The following SLC52A3 variants were observed in gnomAD, a reference collection of about 807,000 sequenced individuals.
The protein encoded by SLC52A3 is solute carrier family 52, riboflavin transporter, member 3.
In SLC52A3, 20 loss-of-function variants were observed where a neutral mutation model predicts 29.5. The ratio of observed to expected loss-of-function variants is 0.68; its 90% confidence interval spans 0.48 to 0.99. SLC52A3 has a LOEUF of 0.99. SLC52A3 is among the 50% of genes least tolerant of loss of function. The probability of loss-of-function intolerance (pLI) is 0.00; values close to 1 mark genes in which losing one functional copy is unlikely to be tolerated. For missense variants in SLC52A3, 548 were observed against 612.9 expected (o/e 0.89, Z 1.12); for synonymous variants, 301 against 271.0 (o/e 1.11, Z -1.09).
At chr20:776,863 G>GC (rs1485849037), upstream of SLC52A3, among the ~76,000 whole-genome samples, 1 of 150,850 alleles carries the variant, frequency 6.6e-6, no homozygotes, top group African/African-American at 2.4e-5. Flanking sequence ...TTTTGGGGGG[G>GC]GGGCCACAGG....
chr20:769,507 T>C (rs1352131741), upstream of SLC52A3, among the ~76,000 whole-genome samples: 1 of 152,242 alleles, frequency 6.6e-6, no homozygotes, highest in Non-Finnish European at 1.5e-5. Flanking sequence ...GAACATGCAC[T>C]AAAGTGCTAA....
intron 1 of SLC52A3, among the ~76,000 whole-genome samples, chr20:767,966 T>C (rs12480365): frequency 0.27 from 40,960 of 152,064 alleles, 6,017 homozygotes; most frequent in South Asian, 0.36. Context: ...AGCCAGCTGT[T>C]TGAGTTTGAC....
Position 763,512 on chromosome 20 carries a change from C to T in SLC52A3, c.1059G>A (p.Met353Ile). 1 of 1,614,082 alleles carries T rather than the reference C, an allele frequency of 6.2e-7. No homozygotes were observed. The highest frequency in any genetic ancestry group is 8.5e-7 in the Non-Finnish European group (1 of 1,179,970). The change falls in exon 3 of 5, where the codon ATG becomes ATA. Residue 353 changes from methionine (M) to isoleucine (I), a missense_variant. Met to Ile is a conservative substitution (Grantham distance 10, BLOSUM62 1). Coordinates refer to ENST00000645534, the MANE Select transcript of SLC52A3 (RefSeq NM_033409.4). Reference sequence around the variant, plus strand: ...TGAGGGCACACCTGTTAGGCAGGAACATGGAGACCAACGAGGCAAGAGGGT... The same window carrying T: ...TGAGGGCACACCTGTTAGGCAGGAATATGGAGACCAACGAGGCAAGAGGGT... ...VANPLASLVS[M>I]FLPNRSLLFL... is the part of the protein sequence containing the mutation.
In SLC52A3 at chr20:761,355, C is replaced by A. The variant is rs1427661224; in HGVS notation, c.1198-117G>T. 7 of 1,202,498 alleles carry A rather than the reference C, an allele frequency of 5.8e-6. No individual in the cohort carries two copies. The Admixed American group carries it at 1.1e-4, about 18-fold the overall frequency. The allele number at this position is 1,202,498 out of a possible 1,614,324, so 74.5% of individuals were successfully genotyped here. A position where few individuals can be genotyped will look rare whatever the true frequency, so the allele number is the denominator to read the frequency against. On this transcript the variant is annotated intron_variant, in intron 4 of 4. Transcript: ENST00000645534. ...CGGAATACTCTCTAGGTGCGAGGAGCGCCTTCTGGGAGTGAGCCTGCGGGG... is the reference window on the plus strand; with the variant it reads ...CGGAATACTCTCTAGGTGCGAGGAGAGCCTTCTGGGAGTGAGCCTGCGGGG...
At chr20:772,264 G>A (rs57583221), upstream of SLC52A3, among the ~76,000 whole-genome samples, 8 of 152,314 alleles carry the variant, frequency 5.3e-5, no homozygotes, top group South Asian at 2.1e-4. Flanking sequence ...GTGCTACCAC[G>A]GCTGTGTCAC....
At position 761,235 on chromosome 20, in the gene SLC52A3, C is replaced by T. The variant is rs544612142; in HGVS notation, c.1201G>A (p.Ala401Thr). The change falls in exon 5 of 5, where the codon GCC (alanine) becomes ACC (threonine). Residue 401 changes from alanine to threonine, a missense_variant. Ala to Thr is a moderately conservative substitution (Grantham distance 58, BLOSUM62 0). This residue lies in a region of SLC52A3 where 173 missense variants were observed against 141.8 expected (regional missense o/e 1.22). Transcript: ENST00000645534. ...CAGCCGCTGAAAAGCACCCACGAGGCCACCTGCGGGGCCGGGAGGGAAGAG... is the reference window on the plus strand; with the variant it reads ...CAGCCGCTGAAAAGCACCCACGAGGTCACCTGCGGGGCCGGGAGGGAAGAG... ...GHWGGEVLIV[A>T]SWVLFSGCLS... 60 of 1,548,398 alleles carry T rather than the reference C, an allele frequency of 3.9e-5. No homozygotes were observed. The East Asian group carries it at 1.3e-3, about 35-fold the overall frequency.
chr20:778,710 G>A (rs1484975562), upstream of SLC52A3, among the ~76,000 whole-genome samples: 1 of 151,778 alleles, frequency 6.6e-6, no homozygotes, highest in Non-Finnish European at 1.5e-5. Flanking sequence ...GTGGCTTGCA[G>A]GATGGCCACT....
upstream of SLC52A3, among the ~76,000 whole-genome samples, chr20:769,328 G>A (rs75927065): frequency 0.013 from 2,045 of 152,200 alleles, 22 homozygotes; most frequent in Non-Finnish European, 0.022. Context: ...TCTAGACTCG[G>A]GCCATCTTGG....
Position 765,179 on chromosome 20 carries a change from C to T in SLC52A3, c.567+29G>A. On this transcript the variant is annotated intron_variant, in intron 2 of 4. Transcript: ENST00000645534. The surrounding 1 kb of genome is among the most constrained non-coding windows in gnomAD (Gnocchi z 6.6). ...CCTACATTTGTGATAAAGCCAAGTG[C>T]TGAGATGGCTCCGGGTGATGCTGGG... is the stretch of plus-strand genomic sequence containing the variant. The T allele has an allele frequency of 1.9e-6, 3 of 1,613,416 alleles. No homozygotes were observed. The highest frequency in any genetic ancestry group is 2.2e-5 in the South Asian group (2 of 91,050).
chr20:766,785 C>T (rs189512961), intron 1 of SLC52A3, among the ~76,000 whole-genome samples: 7 of 152,168 alleles, frequency 4.6e-5, no homozygotes, highest in South Asian at 2.1e-4. Context: ...TTCACATGGA[C>T]GCGCGTGACA....
At chr20:776,865 G>GC (rs71191972), upstream of SLC52A3, among the ~76,000 whole-genome samples, 1,023 of 151,102 alleles carry the variant, frequency 6.8e-3, 14 homozygotes, top group African/African-American at 0.024. Flanking sequence ...TTGGGGGGGG[G>GC]GCCACAGGAG....
At chr20:763,176 G>A (rs886696073) in intron 3 of SLC52A3, among the ~76,000 whole-genome samples, 1 of 152,220 alleles carries the variant, frequency 6.6e-6, no homozygotes, top group African/African-American at 2.4e-5. Flanking sequence ...TGACAATGAT[G>A]GTCAACGCTT....
In SLC52A3 at chr20:760,889, C is replaced by G. The variant is rs1453920811; in HGVS notation, c.*137G>C. The G allele has an allele frequency of 1.2e-6, 1 of 863,642 alleles. No homozygotes were observed. The highest frequency in any genetic ancestry group is 1.8e-6 in the Non-Finnish European group (1 of 557,548). The allele number at this position is 863,642 out of a possible 1,614,324, so 53.5% of individuals were successfully genotyped here. A position where few individuals can be genotyped will look rare whatever the true frequency, so the allele number is the denominator to read the frequency against. Reference sequence around the variant, plus strand: ...GCATTTCCAGGTGCCATCTTCCCCACAGTCCCCAGTGGGCACTTGCGTTCA... The same window carrying G: ...GCATTTCCAGGTGCCATCTTCCCCAGAGTCCCCAGTGGGCACTTGCGTTCA... On this transcript the variant is annotated 3_prime_UTR_variant, in exon 5 of 5. Transcript: ENST00000645534. This position sits in a 1 kb window ranked among gnomAD's most constrained non-coding sequence, Gnocchi z 4.9.
chr20:771,271 C>CA (rs1342194860), upstream of SLC52A3, among the ~76,000 whole-genome samples: 2 of 152,054 alleles, frequency 1.3e-5, no homozygotes, highest in Non-Finnish European at 2.9e-5. Flanking sequence ...ACCAAAAACA[C>CA]AAAAAATTAG....
At position 765,083 on chromosome 20, in the gene SLC52A3, G is replaced by T; in HGVS notation, c.567+125C>A. 9.3e-7 allele frequency: 1 copy of T among 1,073,354 alleles called. No individual in the cohort carries two copies. The highest frequency in any genetic ancestry group is 1.3e-5 in the South Asian group (1 of 75,586). 66.5% of individuals were successfully genotyped at this position (1,073,354 alleles called of 1,614,324 possible). A position where few individuals can be genotyped will look rare whatever the true frequency, so the allele number is the denominator to read the frequency against. On this transcript the variant is annotated intron_variant, in intron 2 of 4. Transcript: ENST00000645534. This position sits in a 1 kb window ranked among gnomAD's most constrained non-coding sequence, Gnocchi z 6.6. ...AAAATGAGTTTCCTGCTGTTGATCT[G>T]CCTTATGTCAGTTTAACTCATAGGC...
chr20:764,041 GA>G, intron 2 of SLC52A3, 38 bp from the exon 3 acceptor site: 1 of 1,515,426 alleles, frequency 6.6e-7, no homozygotes, highest in Non-Finnish European at 8.9e-7. Flanking sequence ...CAGGGGAGGG[GA>G]TCAGGCTGCA....
chr20:772,969 C>T (rs1986893084), upstream of SLC52A3, among the ~76,000 whole-genome samples: 1 of 152,208 alleles, frequency 6.6e-6, no homozygotes, highest in African/African-American at 2.4e-5. Flanking sequence ...GTTCAAAGGA[C>T]AGCTAGGAGG....
chr20:763,775 G>A lies in SLC52A3; in HGVS notation c.796C>T (p.Arg266Trp), dbSNP rs370499474. 67 of 1,614,044 alleles carry A rather than the reference G, an allele frequency of 4.2e-5. No individual in the cohort carries two copies. Among genetic ancestry groups the A allele is most frequent in the Non-Finnish European group, 5.5e-5 (65 of 1,180,018 alleles). ...CCCAAGTCATTCTCTTCCCGCGGCC[G>A]GATGGAGTGGAGGGTGACCTGGTCA... ...LNDQVTLHSI[R>W]PREENDLGPA... is the part of the protein sequence containing the mutation. Residue 266 changes from arginine (R) to tryptophan (W), a missense_variant, in exon 3 of 5, where the codon CGG becomes TGG. Physicochemically the swap from Arg to Trp is moderately radical, Grantham distance 101. Coordinates refer to ENST00000645534, the MANE Select transcript of SLC52A3 (RefSeq NM_033409.4).
chr20:761,815 C>G lies in SLC52A3; in HGVS notation c.1083G>C (p.Leu361=), dbSNP rs367957442. The G allele has an allele frequency of 1.9e-6, 3 of 1,614,078 alleles. No individual in the cohort carries two copies. The highest frequency in any genetic ancestry group is 1.3e-5 in the African/African-American group (1 of 74,940). Residue 361 remains leucine (L), a synonymous_variant, in exon 4 of 5, where the codon CTG becomes CTC. Transcript: ENST00000645534. ...CAAGCACGGAGAGGACCCCCAGGAA[C>G]AGCAGAGACCTAGAGGAAAGTAGGG... The part of the protein sequence containing the change: ...VSMFLPNRSL[L]FLGVLSVLGT...
Sources: gnomAD v4.1 joint callset for allele counts (sites outside exome capture counted in the v4.1 genomes callset) on GRCh38, gnomAD v4.1.1 for gene constraint, gnomAD v4.1.1 regional missense constraint, Gnocchi (gnomAD v3.1) non-coding constraint, MANE v1.5 for transcripts, NCBI Gene and HGNC (gene_info 2026-07-23, HGNC 2026-07-21) for gene names.